FGFR3: variants seen among roughly 807,000 people sequenced by gnomAD.
FGFR3 encodes fibroblast growth factor receptor 3.
Under a neutral mutation model 82.9 loss-of-function variants are expected in FGFR3, and 25 were observed. The ratio of observed to expected loss-of-function variants is 0.30; its 90% CI spans 0.22 to 0.42. The LOEUF is 0.42. Among genes scored for constraint, FGFR3 ranks in the 10% least tolerant of loss-of-function variants. FGFR3 has a pLI of 1.00. For synonymous variants in FGFR3, 620 were observed against 516.0 expected (o/e 1.20, Z -2.73); for missense variants, 1,026 against 1,161.0 (o/e 0.88, Z 1.69).
In FGFR3 at chr4:1,799,293, T is replaced by C. The variant is rs765760358; in HGVS notation, c.149T>C (p.Val50Ala). 6.2e-7 allele frequency: 1 copy of C among 1,612,682 alleles called. No individual in the cohort carries two copies. The highest frequency in any genetic ancestry group is 8.5e-7 in the Non-Finnish European group (1 of 1,179,956). ...GPEPGQQEQL[V>A]FGSGDAVELS... ...GAGCCCGGCCAGCAGGAGCAGTTGG[T>C]CTTCGGCAGCGGGGATGCTGTGGAG... The change falls in exon 3 of 18, where the codon GTC becomes GCC. Residue 50 changes from valine (V) to alanine (A), a missense_variant. Val to Ala is a moderately conservative substitution (Grantham distance 64, BLOSUM62 0). Around this residue, in one of 9 missense-constraint regions of FGFR3, gnomAD observed 226 missense variants for 222.0 expected, o/e 1.02. Transcript: ENST00000440486.
Position 1,805,570 on chromosome 4 carries a change from G to C in FGFR3, c.1546G>C (p.Asp516His), listed in dbSNP as rs779377617. Residue 516 changes from aspartate to histidine, a missense_variant, in exon 12 of 18, where the codon GAC becomes CAC. This residue lies in a region of FGFR3 where 164 missense variants were observed against 167.5 expected (regional missense o/e 0.98). Transcript: ENST00000440486. ...CGCTCCGTGCACAGACGATGCCACTGACAAGGACCTGTCGGACCTGGTGTC... is the reference window on the plus strand; with the variant it reads ...CGCTCCGTGCACAGACGATGCCACTCACAAGGACCTGTCGGACCTGGTGTC... The part of the protein sequence containing the change: ...AVKMLKDDAT[D>H]KDLSDLVSEM... The C allele has an allele frequency of 4.3e-6, 7 of 1,613,190 alleles. 1 individual carries two copies. Among genetic ancestry groups the C allele is most frequent in the Non-Finnish European group, 5.9e-6 (7 of 1,179,824 alleles).
At chr4:1,799,166 T>A in intron 2 of FGFR3, 88 bp from the exon 3 acceptor site, 1 of 1,589,486 alleles carries the variant, frequency 6.3e-7, no homozygotes, top group Admixed American at 1.7e-5. Context: ...CCTTCCTCAC[T>A]CAGGGCCGCC....
chr4:1,794,104 C>T (rs1255214413), intron 2 of FGFR3, 61 bp downstream of exon 2: 4 of 1,047,358 alleles, frequency 3.8e-6, no homozygotes, highest in African/African-American at 3.4e-5. Context: ...GCGTTGGGGA[C>T]GGGAACCGGC....
intron 8 of FGFR3, among the ~76,000 whole-genome samples, chr4:1,804,104 G>A (rs956129985): frequency 1.3e-5 from 2 of 152,254 alleles, no homozygotes; most frequent in Non-Finnish European, 2.9e-5. Context: ...CCGGGCGCCT[G>A]GTGGCGGTGT....
intron 4 of FGFR3, 134 bp downstream of exon 4, chr4:1,799,946 C>T (rs1215082652): frequency 7.2e-6 from 7 of 967,498 alleles, no homozygotes; most frequent in Non-Finnish European, 1.1e-5. Context: ...GGTCTGGTCC[C>T]CTCAGGATAC....
At position 1,807,866 on chromosome 4, in the gene FGFR3, T is replaced by C; in HGVS notation, c.*604T>C. ...GGTTTATTCCGGAAACTAGTGTACA[T>C]TTCTATAAATAGATGCTGTGTATAT... On this transcript the variant is annotated 3_prime_UTR_variant, in exon 18 of 18. Coordinates refer to ENST00000440486, the MANE Select transcript of FGFR3 (RefSeq NM_000142.5). 2.3e-6 allele frequency: 1 copy of C among 426,070 alleles called. No homozygotes were observed. The highest frequency in any genetic ancestry group is 2.2e-5 in the South Asian group (1 of 45,756). 26.4% of individuals were successfully genotyped at this position (426,070 alleles called of 1,614,324 possible).
At chr4:1,802,820 C>G in intron 7 of FGFR3, 42 of 1,438,480 alleles carry the variant, frequency 2.9e-5, no homozygotes, top group Non-Finnish European at 3.8e-5. Flanking sequence ...GCAGCCCAGC[C>G]TCGATCTGTA....
At chr4:1,794,393 G>A (rs1577254456) in intron 2 of FGFR3, among the ~76,000 whole-genome samples, 1 of 152,190 alleles carries the variant, frequency 6.6e-6, no homozygotes, top group Admixed American at 6.5e-5. Context: ...GTTCTGCGCA[G>A]ACGGAAAGTT....
intron 2 of FGFR3, among the ~76,000 whole-genome samples, chr4:1,795,149 G>A (rs1275065250): frequency 6.6e-6 from 1 of 152,064 alleles, no homozygotes; most frequent in Non-Finnish European, 1.5e-5. Flanking sequence ...CCCGGCGCTT[G>A]AATGTGCGTG....
intron 7 of FGFR3, among the ~76,000 whole-genome samples, chr4:1,803,345 CCT>C (rs1721443162): frequency 6.6e-6 from 1 of 152,214 alleles, no homozygotes; most frequent in African/African-American, 2.4e-5. Flanking sequence ...CCCCTTTGCG[CCT>C]CTCTCCACCC....
chr4:1,803,151 C>G (rs894430633), intron 7 of FGFR3: 156 of 1,365,628 alleles, frequency 1.1e-4, no homozygotes, highest in Non-Finnish European at 1.4e-4. Flanking sequence ...CACGCCCAGC[C>G]CTGCTCGCTC....
rs769701323 is a variant in FGFR3, at chr4:1,805,384, G to A, written c.1442G>A (p.Gly481Asp). The A allele has an allele frequency of 6.2e-7, 1 of 1,612,340 alleles. No homozygotes were observed. Residue 481 changes from glycine to aspartate, a missense_variant, in exon 11 of 18, where the codon GGC (glycine) becomes GAC (aspartate). Gly to Asp is a moderately conservative substitution (Grantham distance 94). This residue lies in a region of FGFR3 where 22 missense variants were observed against 52.8 expected (regional missense o/e 0.42). Coordinates refer to ENST00000440486, the MANE Select transcript of FGFR3 (RefSeq NM_000142.5). ...RLTLGKPLGE[G>D]CFGQVVMAEA... ...ACCCTGGGCAAGCCCCTTGGGGAGG[G>A]CTGCTTCGGCCAGGTGGTCATGGCG...
chr4:1,794,806 AC>A (rs1321988672), intron 2 of FGFR3, among the ~76,000 whole-genome samples: 3 of 150,576 alleles, frequency 2.0e-5, no homozygotes, highest in Non-Finnish European at 3.0e-5. Context: ...CGCCGCGTAC[AC>A]CCGCAGCCGG....
rs759902774 is a variant in FGFR3 at position 1,802,633 on chromosome 4, C to T, written c.930+608C>T. ...CAGACCCCGCCCAGAGAGGCCGCCT[C>T]GGGCCCTGTCCAGGGTGCAGGTTCT... On this transcript the variant is annotated intron_variant, in intron 7 of 17. Coordinates refer to ENST00000440486, the MANE Select transcript of FGFR3 (RefSeq NM_000142.5). Among the ~76,000 whole-genome samples the T allele has an allele frequency of 7.2e-5, 11 of 152,200 alleles. No individual in the cohort carries two copies. In the South Asian group the frequency reaches 8.3e-4, roughly 11 times the overall value.
At position 1,804,489 on chromosome 4, in the gene FGFR3, A is replaced by C. The variant is rs752460284; in HGVS notation, c.1235A>C (p.His412Pro). ...AAAGGCCTGGGCTCCCCCACCGTGC[A>C]CAAGATCTCCCGCTTCCCGCTCAAG... ...PKKGLGSPTVHKISRFPLKRQ... is the reference protein window; with the variant it reads ...PKKGLGSPTVPKISRFPLKRQ... Residue 412 changes from histidine to proline, a missense_variant, in exon 9 of 18, where the codon CAC (histidine) becomes CCC (proline). Around this residue, in one of 9 missense-constraint regions of FGFR3, gnomAD observed 256 missense variants for 217.6 expected, o/e 1.18. Coordinates refer to ENST00000440486, the MANE Select transcript of FGFR3 (RefSeq NM_000142.5). The C allele has an allele frequency of 4.3e-6, 7 of 1,612,886 alleles. No homozygotes were observed. Among genetic ancestry groups the C allele is most frequent in the Non-Finnish European group, 5.9e-6 (7 of 1,179,892 alleles).
intron 2 of FGFR3, among the ~76,000 whole-genome samples, chr4:1,794,990 T>G (rs989075444): frequency 1.3e-5 from 2 of 149,826 alleles, no homozygotes; most frequent in East Asian, 2.0e-4. Flanking sequence ...CGCGGGGAGG[T>G]GTGAGCGACC....
Position 1,804,915 on chromosome 4 carries a change from A to G in FGFR3, c.1358A>G (p.Asn453Ser), listed in dbSNP as rs1466726466. ...TCAGGGGAGGGCCCCACGCTGGCCA[A>G]TGTCTCCGAGCTCGAGCTGCCTGCC... is the stretch of plus-strand genomic sequence containing the variant. ...LSSGEGPTLA[N>S]VSELELPADP... Residue 453 changes from asparagine to serine, a missense_variant, in exon 10 of 18, where the codon AAT (asparagine) becomes AGT (serine). By Grantham distance (46) the Asn-to-Ser change is conservative (BLOSUM62 1). Coordinates refer to ENST00000440486, the MANE Select transcript of FGFR3 (RefSeq NM_000142.5). The G allele has an allele frequency of 2.6e-6, 4 of 1,550,106 alleles. No homozygotes were observed. The highest frequency in any genetic ancestry group is 1.7e-6 in the Non-Finnish European group (2 of 1,146,988).
rs538286822 is a variant in FGFR3, at chr4:1,795,376, C to A, written c.109+1333C>A. ...AGGCTGCGGAGCCTCTCCTGGACCC[C>A]CTGCGGGCGCGCGGGGCCTCCCCCA... On this transcript the variant is annotated intron_variant, in intron 2 of 17. Coordinates refer to ENST00000440486, the MANE Select transcript of FGFR3 (RefSeq NM_000142.5). Among the ~76,000 whole-genome samples, 600 of 151,922 alleles carry A rather than the reference C, an allele frequency of 3.9e-3. 4 individuals carry two copies. Among genetic ancestry groups the A allele is most frequent in the Non-Finnish European group, 7.0e-3 (472 of 67,902 alleles).
At chr4:1,794,405 C>T (rs377710574) in intron 2 of FGFR3, among the ~76,000 whole-genome samples, 1 of 152,288 alleles carries the variant, frequency 6.6e-6, no homozygotes, top group East Asian at 1.9e-4. Flanking sequence ...CGGAAAGTTC[C>T]CATTGTTGGC....
Sources: gnomAD v4.1 joint callset for allele counts (sites outside exome capture counted in the v4.1 genomes callset) on GRCh38, gnomAD v4.1.1 for gene constraint, gnomAD v4.1.1 regional missense constraint, MANE v1.5 for transcripts, NCBI Gene and HGNC (gene_info 2026-07-23, HGNC 2026-07-21) for gene names.